ASRGL1: variants seen among roughly 807,000 people sequenced by gnomAD.
ASRGL1 encodes the protein asparaginase and isoaspartyl peptidase 1, also known as isoaspartyl peptidase/L-asparaginase.
In ASRGL1, 16 loss-of-function variants were observed where a neutral mutation model predicts 22.4. The ratio of observed to expected loss-of-function variants is 0.71; its 90% CI spans 0.48 to 1.08. ASRGL1 has a LOEUF of 1.08. Among genes scored for constraint, ASRGL1 ranks in the 50% least tolerant of loss-of-function variants. The pLI is 0.00. For synonymous variants in ASRGL1, 165 were observed against 159.3 expected, an observed-to-expected ratio of 1.04 and a Z score of -0.27; for missense variants, 412 against 410.1, an observed-to-expected ratio of 1.00 and a Z score of -0.04.
chr11:62,345,175 G>A (rs559530804), intron 2 of ASRGL1, among the ~76,000 whole-genome samples: 2 of 152,202 alleles, frequency 1.3e-5, no homozygotes, highest in Non-Finnish European at 1.5e-5. Context: ...CAGCAAGCAA[G>A]GAGTGCAAAT....
intron 3 of ASRGL1, 98 bp downstream of exon 3, chr11:62,356,565 C>T: frequency 7.2e-7 from 1 of 1,388,582 alleles, no homozygotes; most frequent in Non-Finnish European, 9.9e-7. Context: ...GATCACTGTT[C>T]TCCTAAAAAT....
intron 4 of ASRGL1, among the ~76,000 whole-genome samples, chr11:62,374,536 A>C (rs1205938183): frequency 7.0e-6 from 1 of 143,464 alleles, no homozygotes; most frequent in Non-Finnish European, 1.5e-5. Flanking sequence ...GGTCTCTTCA[A>C]GTTTTTTCTT....
chr11:62,356,649 G>T (rs1195580221), intron 3 of ASRGL1, among the ~76,000 whole-genome samples, 182 bp downstream of exon 3: 5 of 152,178 alleles, frequency 3.3e-5, no homozygotes, highest in African/African-American at 1.2e-4. Context: ...CACTTGACCA[G>T]TGAATGATTA....
chr11:62,386,207 G>A (rs952364252), intron 4 of ASRGL1, among the ~76,000 whole-genome samples: 6 of 151,964 alleles, frequency 3.9e-5, no homozygotes, highest in African/African-American at 1.5e-4. Flanking sequence ...AATTTTTTCT[G>A]GCAGGTGGAT....
chr11:62,393,860 A>G (rs1194061510), downstream of ASRGL1, among the ~76,000 whole-genome samples: 2 of 151,620 alleles, frequency 1.3e-5, no homozygotes, highest in African/African-American at 4.9e-5. Flanking sequence ...GTGTCTCCCG[A>G]GGCCTCTCTC....
In ASRGL1 at chr11:62,357,007, T is replaced by C. The variant is rs991246644; in HGVS notation, c.354T>C (p.Thr118=). Residue 118 remains threonine, a synonymous_variant, in exon 4 of 7, where the codon ACT becomes ACC. Coordinates refer to ENST00000415229, the MANE Select transcript of ASRGL1 (RefSeq NM_001083926.2). ...VMEKTPHCFL[T]DQGAAQFAAA... ...CTCAGACACCTCATTGCTTTCTGAC[T>C]GACCAAGGCGCAGCGCAGTTTGCAG... 6.2e-6 allele frequency: 10 copies of C among 1,607,226 alleles called. No homozygotes were observed. The highest frequency in any genetic ancestry group is 7.6e-6 in the Non-Finnish European group (9 of 1,178,414).
Position 62,392,433 on chromosome 11 carries a change from T to C in ASRGL1, c.*149T>C. On this transcript the variant is annotated 3_prime_UTR_variant, in exon 7 of 7. Coordinates refer to ENST00000415229, the MANE Select transcript of ASRGL1 (RefSeq NM_001083926.2). Reference sequence around the variant, plus strand: ...CCTTAATAAGCATCTGAATGTTTGGTTGTGGGGCGGGTTCTGAAGCGATGA... The same window carrying C: ...CCTTAATAAGCATCTGAATGTTTGGCTGTGGGGCGGGTTCTGAAGCGATGA... 2 of 955,468 alleles carry C rather than the reference T, an allele frequency of 2.1e-6. No homozygotes were observed. Among genetic ancestry groups the C allele is most frequent in the Non-Finnish European group, 3.1e-6 (2 of 642,610 alleles). 59.2% of individuals were successfully genotyped at this position (955,468 alleles called of 1,614,324 possible).
chr11:62,355,339 C>T lies in ASRGL1; in HGVS notation c.191-986C>T, dbSNP rs560088481. On this transcript the variant is annotated intron_variant, in intron 2 of 6. Transcript: ENST00000415229. Reference sequence around the variant, plus strand: ...CTCCCAAGTTCAAGCAATTTTCCTGCCTCAGCCTCCCGAGTAGCTGTGACT... The same window carrying T: ...CTCCCAAGTTCAAGCAATTTTCCTGTCTCAGCCTCCCGAGTAGCTGTGACT... 2.6e-5 allele frequency among the ~76,000 whole-genome samples: 4 copies of T among 152,258 alleles called. No homozygotes were observed. The South Asian group carries it at 6.2e-4, about 24-fold the overall frequency.
intron 4 of ASRGL1, 125 bp downstream of exon 4, chr11:62,357,269 A>C: frequency 5.3e-6 from 1 of 188,564 alleles, no homozygotes; most frequent in South Asian, 4.1e-5. Flanking sequence ...GTTTTGTTTG[A>C]CACGGAGTCT....
intron 2 of ASRGL1, among the ~76,000 whole-genome samples, chr11:62,349,699 T>G (rs1198137248): frequency 6.6e-6 from 1 of 152,212 alleles, no homozygotes; most frequent in Non-Finnish European, 1.5e-5. Context: ...CAAGAAGGAC[T>G]TCAGGACGAG....
chr11:62,399,232 C>T, the ASRGL1 span, among the ~76,000 whole-genome samples: 1 of 152,152 alleles, frequency 6.6e-6, no homozygotes. Context: ...AAAAGAACTT[C>T]CAACATATTT....
intron 4 of ASRGL1, among the ~76,000 whole-genome samples, chr11:62,360,783 T>C (rs539348202): frequency 2.0e-5 from 3 of 152,154 alleles, no homozygotes; most frequent in Non-Finnish European, 4.4e-5. Flanking sequence ...TTGCTAATCA[T>C]GAAGAATCAC....
Position 62,338,162 on chromosome 11 carries a change from A to G in ASRGL1, c.185A>G (p.Asn62Ser). 1.3e-6 allele frequency: 2 copies of G among 1,567,074 alleles called. No homozygotes were observed. The highest frequency in any genetic ancestry group is 1.7e-6 in the Non-Finnish European group (2 of 1,158,736). ...GCCCTGGAAGACGATCCCGAGTTCAACGCAGGTAAATGTGCCTTTCAGCTA... is the reference window on the plus strand; with the variant it reads ...GCCCTGGAAGACGATCCCGAGTTCAGCGCAGGTAAATGTGCCTTTCAGCTA... ...VVALEDDPEF[N>S]AGCGSVLNTN... The change falls in exon 2 of 7, where the codon AAC becomes AGC. Residue 62 changes from asparagine (N) to serine (S), a missense_variant. By Grantham distance (46) the Asn-to-Ser change is conservative (BLOSUM62 1). Coordinates refer to ENST00000415229, the MANE Select transcript of ASRGL1 (RefSeq NM_001083926.2).
At position 62,389,239 on chromosome 11, in the gene ASRGL1, T is replaced by C. The variant is rs1162728459; in HGVS notation, c.598T>C (p.Ser200Pro). The part of the protein sequence containing the change: ...VNKMVGRVGD[S>P]PCLGAGGYAD... The stretch of plus-strand genomic sequence containing the variant: ...TAAAATGGTCGGCCGCGTTGGGGAC[T>C]CACCGTGTCTAGGTAGGACCAAGGG... The change falls in exon 5 of 7, where the codon TCA (serine) becomes CCA (proline). Residue 200 changes from serine (S) to proline (P), a missense_variant. Ser to Pro is a moderately conservative substitution (Grantham distance 74). Transcript: ENST00000415229. 1 of 1,614,002 alleles carries C rather than the reference T, an allele frequency of 6.2e-7. No homozygotes were observed.
intron 4 of ASRGL1, chr11:62,371,324 C>T (rs1946757485): frequency 7.7e-7 from 1 of 1,302,854 alleles, no homozygotes; most frequent in East Asian, 2.9e-5. Context: ...GACGGGGCCC[C>T]CGGCAGGGGC....
chr11:62,371,167 GA>G, intron 4 of ASRGL1: 1 of 1,198,872 alleles, frequency 8.3e-7, no homozygotes, highest in Non-Finnish European at 1.1e-6. Flanking sequence ...GGCGGCCTGG[GA>G]GGAGCTGAGC....
intron 4 of ASRGL1, chr11:62,371,221 C>A: frequency 8.0e-7 from 1 of 1,242,900 alleles, no homozygotes; most frequent in South Asian, 1.6e-5. Flanking sequence ...GGAAACGTGG[C>A]GGCCCCGCAG....
At chr11:62,395,235 G>T (rs1171251976), downstream of ASRGL1, among the ~76,000 whole-genome samples, 1 of 152,168 alleles carries the variant, frequency 6.6e-6, no homozygotes, top group African/African-American at 2.4e-5. Flanking sequence ...TGCCCTGGGC[G>T]CTGCCAGATG....
At chr11:62,349,015 C>A (rs907485469) in intron 2 of ASRGL1, among the ~76,000 whole-genome samples, 93 of 151,910 alleles carry the variant, frequency 6.1e-4, no homozygotes, top group African/African-American at 2.2e-3. Context: ...GTCGCCCAGG[C>A]TGGAGTGCAG....
Sources: allele counts gnomAD v4.1 joint callset (sites outside exome capture counted in the v4.1 genomes callset), GRCh38; gene constraint gnomAD v4.1.1; transcripts MANE v1.5; gene names NCBI Gene and HGNC (gene_info 2026-07-23, HGNC 2026-07-21).